Variants in ULK4 observed in about 807,000 individuals in gnomAD.
ULK4 encodes inactive serine/threonine-protein kinase ULK4.
Under a neutral mutation model 160.6 loss-of-function variants are expected in ULK4, and 133 were observed. The ratio of observed to expected loss-of-function variants is 0.83; its 90% CI spans 0.72 to 0.96. The LOEUF is 0.96. ULK4 is among the 40% of genes least tolerant of loss of function. The probability of loss-of-function intolerance (pLI) is 0.00; values close to 1 mark genes in which losing one functional copy is unlikely to be tolerated. For synonymous variants in ULK4, 534 were observed against 539.8 expected (o/e 0.99, Z 0.15); for missense variants, 1,580 against 1,499.5 (o/e 1.05, Z -0.89).
At chr3:41,616,943 G>A (rs986988975) in intron 30 of ULK4, among the ~76,000 whole-genome samples, 3 of 152,318 alleles carry the variant, frequency 2.0e-5, no homozygotes, top group African/African-American at 7.2e-5. Flanking sequence ...ATCTAGCATG[G>A]TAGCGGAGGG....
chr3:41,763,085 C>T (rs761710190), intron 21 of ULK4, among the ~76,000 whole-genome samples: 3 of 152,016 alleles, frequency 2.0e-5, no homozygotes, highest in South Asian at 2.1e-4. Context: ...TCCCTCCACA[C>T]GTGCGAATTA....
chr3:41,640,838 T>A (rs748836656), intron 30 of ULK4, among the ~76,000 whole-genome samples: 2 of 152,038 alleles, frequency 1.3e-5, no homozygotes, highest in Admixed American at 6.5e-5. Flanking sequence ...ATGGTAAAAA[T>A]AAAAATTTTC....
At chr3:41,543,093 T>C (rs1037487592) in intron 32 of ULK4, among the ~76,000 whole-genome samples, 2 of 152,074 alleles carry the variant, frequency 1.3e-5, no homozygotes, top group Non-Finnish European at 2.9e-5. Flanking sequence ...ATTTTTCCCC[T>C]AGAACAAAGA....
intron 35 of ULK4, among the ~76,000 whole-genome samples, chr3:41,314,409 T>C (rs2125723537): frequency 6.6e-6 from 1 of 152,268 alleles, no homozygotes; most frequent in African/African-American, 2.4e-5. Context: ...CCCCTCTGTA[T>C]GTCCATTGTT....
At chr3:41,624,288 A>G (rs1346849843) in intron 30 of ULK4, among the ~76,000 whole-genome samples, 1 of 152,226 alleles carries the variant, frequency 6.6e-6, no homozygotes, top group African/African-American at 2.4e-5. Context: ...AACCAAGCAC[A>G]TACATCTCAG....
intron 21 of ULK4, among the ~76,000 whole-genome samples, chr3:41,765,377 G>C (rs1228960815): frequency 2.0e-5 from 3 of 152,082 alleles, no homozygotes; most frequent in African/African-American, 4.8e-5. Context: ...TTGGACACAG[G>C]GTGGGGAACA....
intron 25 of ULK4, among the ~76,000 whole-genome samples, chr3:41,708,471 A>G (rs1411522193): frequency 1.3e-5 from 2 of 152,192 alleles, no homozygotes; most frequent in African/African-American, 2.4e-5. Flanking sequence ...GGGAACTAAA[A>G]AAGTTGAACT....
chr3:41,405,821 T>C (rs529374142), intron 34 of ULK4, among the ~76,000 whole-genome samples: 1 of 152,040 alleles, frequency 6.6e-6, no homozygotes, highest in South Asian at 2.1e-4. Flanking sequence ...TGAGTTTTTT[T>C]TTTGTTTGTT....
chr3:41,417,253 T>C (rs2082548284), intron 34 of ULK4, among the ~76,000 whole-genome samples: 1 of 152,140 alleles, frequency 6.6e-6, no homozygotes, highest in South Asian at 2.1e-4. Context: ...TTTCTACTAG[T>C]AACTGAGCTA....
chr3:41,785,965 C>T (rs915992574), intron 21 of ULK4, among the ~76,000 whole-genome samples: 8 of 152,068 alleles, frequency 5.3e-5, no homozygotes, highest in African/African-American at 1.9e-4. Context: ...AAGTTCTTCC[C>T]CTAGATCTTC....
intron 18 of ULK4, among the ~76,000 whole-genome samples, chr3:41,825,279 C>T (rs1337398782): frequency 6.6e-6 from 1 of 152,224 alleles, no homozygotes; most frequent in African/African-American, 2.4e-5. Flanking sequence ...AGGAATGCAG[C>T]TCCTCACCAG....
intron 2 of ULK4, among the ~76,000 whole-genome samples, chr3:41,939,888 T>A (rs1699896403): frequency 1.3e-5 from 2 of 152,176 alleles, no homozygotes; most frequent in African/African-American, 4.8e-5. Flanking sequence ...GGCTGCGCAC[T>A]CCTTATGAGA....
intron 32 of ULK4, among the ~76,000 whole-genome samples, chr3:41,560,691 T>C (rs1559394724): frequency 6.6e-6 from 1 of 152,214 alleles, no homozygotes; most frequent in African/African-American, 2.4e-5. Flanking sequence ...TAGGAATGCT[T>C]GTGATTTTTG....
chr3:41,609,756 G>C (rs953539784), intron 31 of ULK4, among the ~76,000 whole-genome samples: 22 of 152,096 alleles, frequency 1.4e-4, no homozygotes, highest in African/African-American at 5.1e-4. Flanking sequence ...AAGTCAGCTT[G>C]AGGTCAGGAA....
At chr3:41,479,212 C>A (rs1399368871) in intron 32 of ULK4, among the ~76,000 whole-genome samples, 1 of 152,220 alleles carries the variant, frequency 6.6e-6, no homozygotes, top group East Asian at 1.9e-4. Context: ...AGCCCTTCTC[C>A]TTTTTCCTCC....
At chr3:41,467,808 G>A (rs2083873610) in intron 32 of ULK4, among the ~76,000 whole-genome samples, 1 of 152,232 alleles carries the variant, frequency 6.6e-6, no homozygotes. Context: ...ATTTCTAGGA[G>A]AGGGGAAGAT....
chr3:41,280,209 G>A (rs1379798739), intron 35 of ULK4, among the ~76,000 whole-genome samples: 2 of 152,096 alleles, frequency 1.3e-5, no homozygotes, highest in Non-Finnish European at 2.9e-5. Context: ...CAATAATAAT[G>A]GGAGACTTTA....
At position 41,949,331 on chromosome 3, in the gene ULK4, CACACAA is replaced by C. The variant is rs1480512329; in HGVS notation, c.138+5285_138+5290del. ...ACACACACAGACACACACACACACACACACAAAAAGTAAAGTTTCCATAAAATAAAC... is the reference window on the plus strand; with the variant it reads ...ACACACACAGACACACACACACACACAAAGTAAAGTTTCCATAAAATAAAC... On this transcript the variant is annotated intron_variant, in intron 2 of 36. Coordinates refer to ENST00000301831, the MANE Select transcript of ULK4 (RefSeq NM_017886.4). Among the ~76,000 whole-genome samples the C allele has an allele frequency of 3.9e-5, 6 of 151,948 alleles. No individual in the cohort carries two copies. The South Asian group carries it at 6.2e-4, about 16-fold the overall frequency.
intron 32 of ULK4, among the ~76,000 whole-genome samples, chr3:41,564,546 C>T (rs552426126): frequency 1.3e-5 from 2 of 150,158 alleles, no homozygotes; most frequent in African/African-American, 4.9e-5. Context: ...GCAACCTCCA[C>T]CTCCCCACTT....
Sources: allele counts gnomAD v4.1 joint callset (sites outside exome capture counted in the v4.1 genomes callset), GRCh38; gene constraint gnomAD v4.1.1; transcripts MANE v1.5; gene names NCBI Gene and HGNC (gene_info 2026-07-23, HGNC 2026-07-21).